Variants in AIG1 observed in about 807,000 individuals in gnomAD.
The protein encoded by AIG1 is androgen-induced gene 1 protein.
In AIG1, 23 loss-of-function variants were observed where a neutral mutation model predicts 31.4. That is an observed-to-expected ratio of 0.73 (90% confidence interval 0.53 to 1.04). The LOEUF is 1.04. Ranked by LOEUF, AIG1 falls within the 50% of genes least tolerant of loss-of-function variation. AIG1 has a pLI of 0.00. For missense variants in AIG1, 274 were observed against 295.0 expected (o/e 0.93, Z 0.52); for synonymous variants, 100 against 110.5 (o/e 0.90, Z 0.60).
intron 1 of AIG1, among the ~76,000 whole-genome samples, chr6:143,109,359 A>G (rs1781077344): frequency 6.6e-6 from 1 of 152,192 alleles, no homozygotes; most frequent in Non-Finnish European, 1.5e-5. Flanking sequence ...ACATTGGTAC[A>G]CAGGGATATG....
intron 3 of AIG1, among the ~76,000 whole-genome samples, chr6:143,208,275 T>A (rs184591685): frequency 6.6e-6 from 1 of 152,328 alleles, no homozygotes; most frequent in East Asian, 1.9e-4. Flanking sequence ...ACACTCTTTA[T>A]TAAATAATCT....
At chr6:143,102,137 AT>A (rs1300721172) in intron 1 of AIG1, among the ~76,000 whole-genome samples, 1 of 152,026 alleles carries the variant, frequency 6.6e-6, no homozygotes, top group Non-Finnish European at 1.5e-5. Flanking sequence ...AAATATAAAT[AT>A]TTTATAGCTT....
intron 3 of AIG1, chr6:143,187,849 G>A (rs184175950): frequency 2.8e-6 from 4 of 1,451,062 alleles, no homozygotes; most frequent in Admixed American, 2.6e-5. Context: ...TTTCTCAAGC[G>A]ATGTACAGAA....
intron 3 of AIG1, among the ~76,000 whole-genome samples, chr6:143,276,975 C>A (rs1796969306): frequency 6.6e-6 from 1 of 152,172 alleles, no homozygotes; most frequent in Admixed American, 6.5e-5. Flanking sequence ...TCTTCATGCC[C>A]TCACTAATGC....
At chr6:143,273,030 G>A (rs1562545187) in intron 3 of AIG1, among the ~76,000 whole-genome samples, 2 of 152,200 alleles carry the variant, frequency 1.3e-5, no homozygotes, top group Non-Finnish European at 2.9e-5. Flanking sequence ...TTGGGAGGCT[G>A]AGGCAGGAGA....
At chr6:143,239,343 A>C (rs1161219136) in intron 3 of AIG1, among the ~76,000 whole-genome samples, 1 of 152,234 alleles carries the variant, frequency 6.6e-6, no homozygotes, top group Non-Finnish European at 1.5e-5. Context: ...AGCAGATATT[A>C]ATGGGAAAAC....
At position 143,292,481 on chromosome 6, in the gene AIG1, G is replaced by C. The variant is rs2128689343; in HGVS notation, c.515+8256G>C. ...GACAGAGGAAGGGGCTGTGAGCACGGAACAAGGGCCCCCTCTAGAAGCCGA... is the reference window on the plus strand; with the variant it reads ...GACAGAGGAAGGGGCTGTGAGCACGCAACAAGGGCCCCCTCTAGAAGCCGA... On this transcript the variant is annotated intron_variant, in intron 4 of 5. Coordinates refer to ENST00000357847, the MANE Select transcript of AIG1 (RefSeq NM_016108.4). This position sits in a 1 kb window ranked among gnomAD's most constrained non-coding sequence, Gnocchi z 4.9. 6.6e-6 allele frequency among the ~76,000 whole-genome samples: 1 copy of C among 152,288 alleles called. No homozygotes were observed. Among genetic ancestry groups the C allele is most frequent in the African/African-American group, 2.4e-5 (1 of 41,544 alleles).
intron 3 of AIG1, among the ~76,000 whole-genome samples, chr6:143,210,837 T>C (rs1339735478): frequency 2.6e-5 from 4 of 152,226 alleles, no homozygotes; most frequent in Non-Finnish European, 5.9e-5. Context: ...TCTTCTGCTA[T>C]GACTTTCAAG....
intron 1 of AIG1, among the ~76,000 whole-genome samples, chr6:143,069,837 A>G (rs912877329): frequency 2.6e-5 from 4 of 151,988 alleles, no homozygotes; most frequent in African/African-American, 4.8e-5. Flanking sequence ...TTTTTATGGA[A>G]CCTCCTAGAA....
chr6:143,208,928 TGAA>T (rs1421829476), intron 3 of AIG1, among the ~76,000 whole-genome samples: 2 of 151,898 alleles, frequency 1.3e-5, no homozygotes, highest in African/African-American at 2.4e-5. Context: ...TGAGAGGAGA[TGAA>T]GAAAGATCAC....
At chr6:143,157,793 G>T (rs1785943773) in intron 2 of AIG1, among the ~76,000 whole-genome samples, 1 of 151,950 alleles carries the variant, frequency 6.6e-6, no homozygotes, top group Non-Finnish European at 1.5e-5. Flanking sequence ...AGAATTATTT[G>T]ATCATGAATT....
At chr6:143,078,367 T>A (rs1490835252) in intron 1 of AIG1, among the ~76,000 whole-genome samples, 4 of 152,262 alleles carry the variant, frequency 2.6e-5, no homozygotes, top group African/African-American at 9.6e-5. Flanking sequence ...GGGGTTGACA[T>A]CTGTTGATTG....
At chr6:143,133,581 T>G (rs1172522605) in intron 1 of AIG1, among the ~76,000 whole-genome samples, 1 of 152,124 alleles carries the variant, frequency 6.6e-6, no homozygotes, top group African/African-American at 2.4e-5. Flanking sequence ...TAAGATGGGC[T>G]TGATTTCATC....
intron 4 of AIG1, among the ~76,000 whole-genome samples, chr6:143,321,028 C>T (rs1776167416): frequency 1.3e-5 from 2 of 151,890 alleles, no homozygotes; most frequent in Non-Finnish European, 2.9e-5. Context: ...CCATGTTGGC[C>T]AGGCTGGTCT....
rs12332915 is a variant in AIG1, at chr6:143,312,381, A to G, written c.516-20901A>G. 9.1e-3 allele frequency among the ~76,000 whole-genome samples: 1,389 copies of G among 152,238 alleles called. 15 individuals carry two copies. The highest frequency in any genetic ancestry group is 0.032 in the African/African-American group (1,336 of 41,556). On this transcript the variant is annotated intron_variant, in intron 4 of 5. Transcript: ENST00000357847. ...AGCTGACACAGATCAATGAAACAGAATAGAGAACCCAGAAACAAATCCAAA... is the reference window on the plus strand; with the variant it reads ...AGCTGACACAGATCAATGAAACAGAGTAGAGAACCCAGAAACAAATCCAAA...
At chr6:143,097,968 G>T (rs1779943131) in intron 1 of AIG1, among the ~76,000 whole-genome samples, 1 of 152,128 alleles carries the variant, frequency 6.6e-6, no homozygotes, top group African/African-American at 2.4e-5. Flanking sequence ...ATTACTCAGA[G>T]TATCTCTCCT....
intron 1 of AIG1, among the ~76,000 whole-genome samples, chr6:143,106,705 G>A (rs1468029655): frequency 2.0e-5 from 3 of 152,196 alleles, no homozygotes; most frequent in Non-Finnish European, 4.4e-5. Flanking sequence ...GGTTAGGTTT[G>A]GGGTGACTTC....
intron 4 of AIG1, among the ~76,000 whole-genome samples, chr6:143,314,184 T>TAAAAAAA (rs35691634): frequency 0.011 from 994 of 90,538 alleles, 53 homozygotes; most frequent in African/African-American, 0.046. Context: ...ACCCATCTCT[T>TAAAAAAA]AAAAAAAAAA....
At chr6:143,140,175 T>C (rs929491761) in intron 2 of AIG1, among the ~76,000 whole-genome samples, 4 of 152,174 alleles carry the variant, frequency 2.6e-5, no homozygotes, top group African/African-American at 9.7e-5. Flanking sequence ...GTGAGACTTA[T>C]TCACTATCAC....
Sources: allele counts gnomAD v4.1 joint callset (sites outside exome capture counted in the v4.1 genomes callset), GRCh38; gene constraint gnomAD v4.1.1; non-coding constraint Gnocchi (gnomAD v3.1); transcripts MANE v1.5; gene names NCBI Gene and HGNC (gene_info 2026-07-23, HGNC 2026-07-21).